TMEM192: variants seen among roughly 807,000 people sequenced by gnomAD.
The protein encoded by TMEM192 is transmembrane protein 192.
TMEM192 carries 20 observed loss-of-function variants against 26.7 expected under a neutral mutation model. The ratio of observed to expected loss-of-function variants is 0.75; its 90% CI spans 0.53 to 1.09. The LOEUF (loss-of-function observed/expected upper bound fraction) is 1.09, where lower values mean the gene tolerates loss of function less well. TMEM192 is among the 50% of genes least tolerant of loss of function. The probability of loss-of-function intolerance (pLI) is 0.00; values close to 1 mark genes in which losing one functional copy is unlikely to be tolerated. For synonymous variants in TMEM192, 124 were observed against 121.0 expected (o/e 1.02, Z -0.16); for missense variants, 304 against 322.6 (o/e 0.94, Z 0.44).
intron 2 of TMEM192, 127 bp downstream of exon 2, chr4:165,102,823 G>A (rs1735068370): frequency 2.9e-6 from 2 of 695,150 alleles, no homozygotes; most frequent in South Asian, 4.9e-5. Flanking sequence ...CAGCACTCAG[G>A]ATGTCCTAAG....
chr4:165,102,906 C>G (rs1376943921), intron 2 of TMEM192, 44 bp downstream of exon 2: 2 of 1,465,886 alleles, frequency 1.4e-6, no homozygotes, highest in South Asian at 2.6e-5. Flanking sequence ...ATAATTTTTA[C>G]AAACATCACC....
rs945138050 is a variant in TMEM192, at chr4:165,077,612, G to C, written c.*2046C>G. On this transcript the variant is annotated 3_prime_UTR_variant, in exon 6 of 6. Coordinates refer to ENST00000306480, the MANE Select transcript of TMEM192 (RefSeq NM_001100389.2). The stretch of plus-strand genomic sequence containing the variant: ...ATACAAAAATTAGCCAGGCATGGTG[G>C]CATGTGCCTGTAATCCCAGCTACTC... 2.0e-5 allele frequency: 3 copies of C among 152,184 alleles called. No homozygotes were observed. Among genetic ancestry groups the C allele is most frequent in the Non-Finnish European group, 4.4e-5 (3 of 68,094 alleles). The allele number at this position is 152,184 out of a possible 1,614,324, so 9.4% of individuals were successfully genotyped here.
At chr4:165,106,755 C>T (rs1185421325) in intron 1 of TMEM192, among the ~76,000 whole-genome samples, 2 of 152,222 alleles carry the variant, frequency 1.3e-5, no homozygotes, top group African/African-American at 4.8e-5. Flanking sequence ...CTGTTGGCTT[C>T]CCTGGTTTTG....
chr4:165,082,684 T>C lies in TMEM192; in HGVS notation c.678-2888A>G, dbSNP rs1398623170. On this transcript the variant is annotated intron_variant, in intron 5 of 5. Coordinates refer to ENST00000306480, the MANE Select transcript of TMEM192 (RefSeq NM_001100389.2). ...ATTCAAATTTTCAAACTGAGATGCA[T>C]TTTCAAAGAAGCATTCCATACAAAT... 5.0e-5 allele frequency among the ~76,000 whole-genome samples: 2 copies of C among 39,778 alleles called. 1 individual carries two copies. Among genetic ancestry groups the C allele is most frequent in the Non-Finnish European group, 1.9e-4 (2 of 10,572 alleles). 26.1% of individuals were successfully genotyped at this position (39,778 alleles called of 152,430 possible). A position where few individuals can be genotyped will look rare whatever the true frequency, so the allele number is the denominator to read the frequency against.
At chr4:165,102,809 G>A (rs1421815378) in intron 2 of TMEM192, 141 bp downstream of exon 2, 2 of 333,396 alleles carry the variant, frequency 6.0e-6, no homozygotes, top group Non-Finnish European at 9.7e-6. Context: ...TTTTGCCCAT[G>A]ACACAGCACT....
At chr4:165,098,265 C>T (rs903458803) in intron 3 of TMEM192, among the ~76,000 whole-genome samples, 2 of 151,870 alleles carry the variant, frequency 1.3e-5, no homozygotes, top group African/African-American at 4.8e-5. Flanking sequence ...GCTGGGATTA[C>T]AGTTGCCCGC....
chr4:165,070,907 T>A lies in TMEM192; in HGVS notation c.*8751A>T, dbSNP rs1276773477. 1.3e-5 allele frequency: 2 copies of A among 152,310 alleles called. No homozygotes were observed. Among genetic ancestry groups the A allele is most frequent in the Admixed American group, 1.3e-4 (2 of 15,284 alleles). The allele number at this position is 152,310 out of a possible 1,614,324, so 9.4% of individuals were successfully genotyped here. On this transcript the variant is annotated 3_prime_UTR_variant, in exon 6 of 6. Coordinates refer to ENST00000306480, the MANE Select transcript of TMEM192 (RefSeq NM_001100389.2). ...GTTCTATGTATGAAGGACACAGTAG[T>A]AAGCAAAAGATAGAGCTTACATTCT...
At chr4:165,094,514 G>C (rs944778250) in intron 3 of TMEM192, among the ~76,000 whole-genome samples, 62 of 152,128 alleles carry the variant, frequency 4.1e-4, no homozygotes, top group Non-Finnish European at 7.4e-5. Context: ...AAAATTAGAC[G>C]GGTGGGGCGG....
intron 3 of TMEM192, among the ~76,000 whole-genome samples, chr4:165,100,027 T>C (rs1735001936): frequency 6.6e-6 from 1 of 152,162 alleles, no homozygotes; most frequent in Admixed American, 6.6e-5. Context: ...TTTCTATCTT[T>C]ATGAGATGAG....
At chr4:165,089,898 C>T (rs62352204) in intron 3 of TMEM192, among the ~76,000 whole-genome samples, 1 of 151,942 alleles carries the variant, frequency 6.6e-6, no homozygotes, top group Non-Finnish European at 1.5e-5. Flanking sequence ...GTTCCTAAAA[C>T]CCTTGGAATT....
chr4:165,096,564 G>T (rs1456882683), intron 3 of TMEM192, among the ~76,000 whole-genome samples: 2 of 150,990 alleles, frequency 1.3e-5, no homozygotes, highest in Non-Finnish European at 2.9e-5. Flanking sequence ...AATATATCAG[G>T]CTGAAGTTAA....
chr4:165,095,863 C>T (rs981668307), intron 3 of TMEM192, among the ~76,000 whole-genome samples: 1 of 151,992 alleles, frequency 6.6e-6, no homozygotes, highest in Non-Finnish European at 1.5e-5. Context: ...CAACCTCCAC[C>T]TCCCAGGTTC....
intron 1 of TMEM192, among the ~76,000 whole-genome samples, chr4:165,104,512 C>T (rs1735118780): frequency 6.6e-6 from 1 of 152,072 alleles, no homozygotes; most frequent in South Asian, 2.1e-4. Flanking sequence ...CACTGCTCTG[C>T]AACTGTTTTT....
At chr4:165,091,689 C>A (rs1336415546) in intron 3 of TMEM192, among the ~76,000 whole-genome samples, 1 of 152,064 alleles carries the variant, frequency 6.6e-6, no homozygotes, top group African/African-American at 2.4e-5. Context: ...GAAAAAAAAT[C>A]TACACATCTA....
rs934856317 is a variant in TMEM192, at chr4:165,071,215, T to C, written c.*8443A>G. 1 of 151,750 alleles carries C rather than the reference T, an allele frequency of 6.6e-6. No homozygotes were observed. 9.4% of individuals were successfully genotyped at this position (151,750 alleles called of 1,614,324 possible). A position where few individuals can be genotyped will look rare whatever the true frequency, so the allele number is the denominator to read the frequency against. ...ATAGAATAATTATAGCAATATACTATAATAAAAGTTACGTGTGGTGGTGTG... is the reference window on the plus strand; with the variant it reads ...ATAGAATAATTATAGCAATATACTACAATAAAAGTTACGTGTGGTGGTGTG... On this transcript the variant is annotated 3_prime_UTR_variant, in exon 6 of 6. Coordinates refer to ENST00000306480, the MANE Select transcript of TMEM192 (RefSeq NM_001100389.2).
At chr4:165,099,899 T>C (rs1734999416) in intron 3 of TMEM192, among the ~76,000 whole-genome samples, 1 of 152,156 alleles carries the variant, frequency 6.6e-6, no homozygotes, top group Admixed American at 6.6e-5. Flanking sequence ...CAGTGAGCCA[T>C]GAAGGCCCCA....
At chr4:165,104,728 G>A (rs895261921) in intron 1 of TMEM192, among the ~76,000 whole-genome samples, 7 of 151,832 alleles carry the variant, frequency 4.6e-5, no homozygotes, top group South Asian at 2.1e-4. Flanking sequence ...ATGGGGTTTC[G>A]CCATGTTAGC....
chr4:165,099,102 C>CTT (rs1160535314), intron 3 of TMEM192, among the ~76,000 whole-genome samples: 11,469 of 125,604 alleles, frequency 0.091, 626 homozygotes, highest in East Asian at 0.23. Context: ...TTTTTTCTTT[C>CTT]TTTTTTTTTT....
intron 5 of TMEM192, among the ~76,000 whole-genome samples, chr4:165,080,683 T>C (rs1015996247): frequency 1.3e-5 from 2 of 152,150 alleles, no homozygotes. Flanking sequence ...ATAAATAATG[T>C]GGTTACAGGA....
Sources: allele counts gnomAD v4.1 joint callset (sites outside exome capture counted in the v4.1 genomes callset), GRCh38; gene constraint gnomAD v4.1.1; transcripts MANE v1.5; gene names NCBI Gene and HGNC (gene_info 2026-07-23, HGNC 2026-07-21).